FBXL13: variants seen among roughly 807,000 people sequenced by gnomAD.
The protein encoded by FBXL13 is F-box and leucine-rich repeat protein 13.
FBXL13 carries 67 observed loss-of-function variants against 83.6 expected under a neutral mutation model. The ratio of observed to expected loss-of-function variants is 0.80; its 90% CI spans 0.66 to 0.98. The LOEUF (loss-of-function observed/expected upper bound fraction) is 0.98. FBXL13 is among the 50% of genes least tolerant of loss of function. The pLI is 0.00. For missense variants in FBXL13, 822 were observed against 866.5 expected, an observed-to-expected ratio of 0.95 and a Z score of 0.64; for synonymous variants, 272 against 299.5, an observed-to-expected ratio of 0.91 and a Z score of 0.95.
chr7:103,073,253 G>A (rs1281242349), intron 1 of FBXL13, among the ~76,000 whole-genome samples: 4 of 152,202 alleles, frequency 2.6e-5, no homozygotes, highest in African/African-American at 9.7e-5. Flanking sequence ...CAACATATAT[G>A]AAATCAAATG....
At position 102,878,463 on chromosome 7, in the gene FBXL13, G is replaced by A. The variant is rs754828648; in HGVS notation, c.1389-13C>T. The A allele has an allele frequency of 1.3e-5, 20 of 1,500,224 alleles. No homozygotes were observed. The allele number at this position is 1,500,224 out of a possible 1,614,324, so 92.9% of individuals were successfully genotyped here. On this transcript the variant is annotated splice_polypyrimidine_tract_variant and intron_variant, in intron 14 of 19. Coordinates refer to ENST00000313221, the Ensembl canonical transcript of FBXL13. ...CATATCACCAATTCTGTAGGAAAGA[G>A]AGAAAAATTTTACATGTGATTCTAT...
At chr7:102,911,996 C>A (rs1254167525) in intron 11 of FBXL13, among the ~76,000 whole-genome samples, 1 of 152,172 alleles carries the variant, frequency 6.6e-6, no homozygotes, top group Non-Finnish European at 1.5e-5. Flanking sequence ...GGTAAGAATT[C>A]TATCCATTCA....
intron 8 of FBXL13, among the ~76,000 whole-genome samples, chr7:102,958,860 T>C (rs1824726933): frequency 6.6e-6 from 1 of 151,966 alleles, no homozygotes; most frequent in South Asian, 2.1e-4. Context: ...ACAGCTGCTG[T>C]AAAGGTGAAA....
intron 17 of FBXL13, among the ~76,000 whole-genome samples, chr7:102,842,272 G>A (rs1323061722): frequency 6.6e-6 from 1 of 152,190 alleles, no homozygotes; most frequent in African/African-American, 2.4e-5. Context: ...TGTAACCCTA[G>A]AGAAGAGGTG....
At chr7:102,953,390 A>T (rs1823724979) in intron 8 of FBXL13, among the ~76,000 whole-genome samples, 1 of 152,188 alleles carries the variant, frequency 6.6e-6, no homozygotes, top group Non-Finnish European at 1.5e-5. Flanking sequence ...AATATACGCA[A>T]TAATAATAGA....
At chr7:102,878,301 G>A in intron 15 of FBXL13, 30 bp downstream of exon 16, 1 of 1,568,002 alleles carries the variant, frequency 6.4e-7, no homozygotes, top group Non-Finnish European at 8.6e-7. Flanking sequence ...CAATACTAAT[G>A]ATATGATGTA....
chr7:102,924,993 C>A (rs556542260), intron 10 of FBXL13, among the ~76,000 whole-genome samples: 2 of 152,246 alleles, frequency 1.3e-5, no homozygotes, highest in Admixed American at 1.3e-4. Context: ...AAGCTATATT[C>A]TCAAAAATAG....
At position 102,831,499 on chromosome 7, in the gene FBXL13, A is replaced by G. The variant is rs1013748991; in HGVS notation, c.1854+1341T>C. On this transcript the variant is annotated intron_variant, in intron 18 of 19. Coordinates refer to ENST00000313221, the Ensembl canonical transcript of FBXL13. ...CAGGGATGAAGAACCAGAATTTAGG[A>G]AATAAATCTCCAGGCTTCTGTTTGG... 9.2e-5 allele frequency among the ~76,000 whole-genome samples: 14 copies of G among 152,200 alleles called. No individual in the cohort carries two copies. The East Asian group carries it at 2.7e-3, about 29-fold the overall frequency.
At chr7:102,811,394 G>T (rs564556299), downstream of FBXL13, among the ~76,000 whole-genome samples, 6 of 152,322 alleles carry the variant, frequency 3.9e-5, no homozygotes, top group East Asian at 1.2e-3. Flanking sequence ...AAACTTAAAA[G>T]ATTTCTCTAC....
intron 8 of FBXL13, chr7:102,934,141 G>T: frequency 6.2e-7 from 1 of 1,614,154 alleles, no homozygotes; most frequent in East Asian, 2.2e-5. Flanking sequence ...TTTATGTGCT[G>T]CCTGGTTGGC....
chr7:102,963,118 A>G (rs1428882740), intron 8 of FBXL13, among the ~76,000 whole-genome samples: 1 of 151,382 alleles, frequency 6.6e-6, no homozygotes, highest in Non-Finnish European at 1.5e-5. Flanking sequence ...CAGGAGTTTG[A>G]GACCAGCCTG....
At chr7:102,973,111 A>C (rs981896051) in intron 6 of FBXL13, 4 of 169,264 alleles carry the variant, frequency 2.4e-5, no homozygotes, top group African/African-American at 9.6e-5. Flanking sequence ...ATTCTCCATG[A>C]TTTCACTTCT....
chr7:102,896,825 G>A (rs760886022), intron 11 of FBXL13, among the ~76,000 whole-genome samples: 26 of 152,166 alleles, frequency 1.7e-4, no homozygotes, highest in Middle Eastern at 3.4e-3. Context: ...TCCAAATAAG[G>A]TCATATTCTG....
At chr7:102,833,405 T>C (rs959465646) in intron 17 of FBXL13, among the ~76,000 whole-genome samples, 2 of 151,776 alleles carry the variant, frequency 1.3e-5, no homozygotes, top group Non-Finnish European at 2.9e-5. Flanking sequence ...TCTTAAATCT[T>C]AGCAAGTTAC....
At chr7:103,062,123 C>T (rs560934359) in intron 1 of FBXL13, among the ~76,000 whole-genome samples, 1 of 150,412 alleles carries the variant, frequency 6.6e-6, no homozygotes, top group Non-Finnish European at 1.5e-5. Context: ...AAACTCTTTT[C>T]ATCTTCCCTA....
rs564645963 is a variant in FBXL13, at chr7:102,863,516, G to T, written c.1636-8656C>A. Among the ~76,000 whole-genome samples, 24 of 100,004 alleles carry T rather than the reference G, an allele frequency of 2.4e-4. No homozygotes were observed. In the East Asian group the frequency reaches 4.1e-3, roughly 17 times the overall value. The allele number at this position is 100,004 out of a possible 152,430, so 65.6% of individuals were successfully genotyped here. A position where few individuals can be genotyped will look rare whatever the true frequency, so the allele number is the denominator to read the frequency against. On this transcript the variant is annotated intron_variant, in intron 16 of 19. Coordinates refer to ENST00000313221, the Ensembl canonical transcript of FBXL13. ...GCTGTGATAGAGGGGATAAAATTGG[G>T]GGGGGGGATGGTACTGAAAATCCTT...
At chr7:103,012,058 TC>T (rs1791692085) in intron 6 of FBXL13, among the ~76,000 whole-genome samples, 1 of 151,930 alleles carries the variant, frequency 6.6e-6, no homozygotes, top group Non-Finnish European at 1.5e-5. Flanking sequence ...ATCATCAGAT[TC>T]TCCAAGGTCA....
At chr7:102,849,154 A>G (rs895366207) in intron 17 of FBXL13, among the ~76,000 whole-genome samples, 1 of 152,212 alleles carries the variant, frequency 6.6e-6, no homozygotes, top group Non-Finnish European at 1.5e-5. Context: ...AACTGACCTC[A>G]TAAAATCCTC....
At chr7:102,830,387 G>A (rs1484996912) in intron 18 of FBXL13, among the ~76,000 whole-genome samples, 1 of 152,120 alleles carries the variant, frequency 6.6e-6, no homozygotes, top group African/African-American at 2.4e-5. Context: ...TTGCCCATAT[G>A]TCTGTGTGCT....
Sources: allele counts gnomAD v4.1 joint callset (sites outside exome capture counted in the v4.1 genomes callset), GRCh38; gene constraint gnomAD v4.1.1; transcripts MANE v1.5; gene names NCBI Gene and HGNC (gene_info 2026-07-23, HGNC 2026-07-21).